Variants in HERC2 observed in about 807,000 individuals in gnomAD.
HERC2 encodes the protein HECT and RLD domain containing E3 ubiquitin protein ligase 2.
A neutral mutation model predicts 537.7 loss-of-function variants in HERC2; 102 were observed. That is an observed-to-expected ratio of 0.19 (90% CI 0.16 to 0.22). The LOEUF (loss-of-function observed/expected upper bound fraction) is 0.22. HERC2 is among the 10% of genes least tolerant of loss of function. The pLI, the probability that HERC2 is intolerant of heterozygous loss-of-function variation, is 1.00. For missense variants in HERC2, 4,236 were observed against 6,198.2 expected (o/e 0.68, Z 10.63); for synonymous variants, 2,224 against 2,466.2 (o/e 0.90, Z 2.91).
At chr15:28,253,639 T>C (rs1361097705) in intron 20 of HERC2, among the ~76,000 whole-genome samples, 1 of 152,216 alleles carries the variant, frequency 6.6e-6, no homozygotes, top group Non-Finnish European at 1.5e-5. Flanking sequence ...TTTCACTATC[T>C]TAATATGAAA....
intron 2 of HERC2, among the ~76,000 whole-genome samples, chr15:28,311,372 G>A (rs1484506773): frequency 6.6e-6 from 1 of 152,290 alleles, no homozygotes; most frequent in Non-Finnish European, 1.5e-5. Flanking sequence ...GCTGAGGTGG[G>A]AGGATCACCT....
chr15:28,149,606 C>T lies in HERC2; in HGVS notation c.10900+3071G>A, dbSNP rs530258030. Among the ~76,000 whole-genome samples the T allele has an allele frequency of 9.9e-5, 15 of 152,106 alleles. No individual in the cohort carries two copies. In the South Asian group the frequency reaches 2.7e-3, roughly 27 times the overall value. On this transcript the variant is annotated intron_variant, in intron 70 of 92. Transcript: ENST00000261609. Reference sequence around the variant, plus strand: ...CAAAAAAACACACGCGGCTCCTAACCGAGAACATCACCGAGAACGGCTGCA... The same window carrying T: ...CAAAAAAACACACGCGGCTCCTAACTGAGAACATCACCGAGAACGGCTGCA...
At chr15:28,190,715 A>C (rs1896778596) in intron 55 of HERC2, 2 of 531,900 alleles carry the variant, frequency 3.8e-6, no homozygotes, top group Non-Finnish European at 6.6e-6. Context: ...TGCTAGGAGC[A>C]GTTACCAAGT....
chr15:28,229,544 G>T lies in HERC2; in HGVS notation c.5036C>A (p.Ala1679Glu). 2 of 1,613,610 alleles carry T rather than the reference G, an allele frequency of 1.2e-6. No individual in the cohort carries two copies. The highest frequency in any genetic ancestry group is 1.7e-6 in the Non-Finnish European group (2 of 1,179,782). ...AGATGGAAGTAAGAAATTCTTGCTC[G>T]CCAGTTTTAAAATTGTATCTATCCC... is the stretch of plus-strand genomic sequence containing the variant. ...LEGIDTILKL[A>E]SKNFLLPSVQ... Residue 1679 changes from alanine (A) to glutamate (E), a missense_variant, in exon 33 of 93, where the codon GCG becomes GAG. Coordinates refer to ENST00000261609, the MANE Select transcript of HERC2 (RefSeq NM_004667.6).
chr15:28,213,909 G>C lies in HERC2; in HGVS notation c.6619C>G (p.Leu2207Val). 1 of 1,614,130 alleles carries C rather than the reference G, an allele frequency of 6.2e-7. No individual in the cohort carries two copies. Among genetic ancestry groups the C allele is most frequent in the Non-Finnish European group, 8.5e-7 (1 of 1,180,034 alleles). ...NPEVGGLMAV[L>V]AVIGGIDGRL... ...CCATCGATGCCTCCAATCACAGCCA[G>C]GACTGCCATGAGGCCCCCCACTTCA... is the stretch of plus-strand genomic sequence containing the variant. Residue 2207 changes from leucine (L) to valine (V), a missense_variant, in exon 42 of 93, where the codon CTG becomes GTG. Coordinates refer to ENST00000261609, the MANE Select transcript of HERC2 (RefSeq NM_004667.6).
In HERC2 at chr15:28,152,819, C is replaced by G; in HGVS notation, c.10758G>C (p.Met3586Ile). The G allele has an allele frequency of 6.4e-7, 1 of 1,561,964 alleles. No homozygotes were observed. The highest frequency in any genetic ancestry group is 8.7e-7 in the Non-Finnish European group (1 of 1,152,360). The change falls in exon 70 of 93, where the codon ATG becomes ATC. Residue 3586 changes from methionine to isoleucine, a missense_variant. This residue lies in a region of HERC2 where 356 missense variants were observed against 450.9 expected (regional missense o/e 0.79). Coordinates refer to ENST00000261609, the MANE Select transcript of HERC2 (RefSeq NM_004667.6). ...ACTCGGTGACACAGAGCTCCAACAG[C>G]ATATCTGCCACCTGGAGAGGAAGCA... ...MGTAYPQVAD[M>I]LLELCVTELE...
At chr15:28,309,960 G>A (rs112367079) in intron 2 of HERC2, among the ~76,000 whole-genome samples, 2,738 of 152,142 alleles carry the variant, frequency 0.018, 58 homozygotes, top group African/African-American at 0.063. Context: ...CAAAACATAC[G>A]ACTTTTGGTA....
At chr15:28,272,118 A>G in intron 9 of HERC2, 97 bp downstream of exon 9, 5 of 1,125,430 alleles carry the variant, frequency 4.4e-6, no homozygotes, top group Non-Finnish European at 6.3e-6. Context: ...CACACACGCC[A>G]GAGAAAAACA....
rs200754559 is a variant in HERC2, at chr15:28,270,747, C to A, written c.1205G>T (p.Arg402Leu). ...TAVVVMAHLD[R>L]LATPCMPPLC... ...CGGAGGCATACAGGGCGTAGCCAGA[C>A]GGTCTAAATGGGCCATGACAACAAC... is the stretch of plus-strand genomic sequence containing the variant. The change falls in exon 10 of 93, where the codon CGT (arginine) becomes CTT (leucine). Residue 402 changes from arginine to leucine, a missense_variant. Physicochemically the swap from Arg to Leu is moderately radical, Grantham distance 102. Coordinates refer to ENST00000261609, the MANE Select transcript of HERC2 (RefSeq NM_004667.6). 6.2e-7 allele frequency: 1 copy of A among 1,613,932 alleles called. No individual in the cohort carries two copies. The highest frequency in any genetic ancestry group is 1.1e-5 in the South Asian group (1 of 91,076).
chr15:28,320,578 T>C (rs1435208134), intron 2 of HERC2: 2 of 152,022 alleles, frequency 1.3e-5, no homozygotes, highest in African/African-American at 2.4e-5. Flanking sequence ...TCAAGGCACA[T>C]TACTTAATAC....
intron 9 of HERC2, 74 bp from the exon 10 acceptor site, chr15:28,270,942 C>T (rs1165174271): frequency 8.6e-6 from 11 of 1,285,184 alleles, no homozygotes; most frequent in Middle Eastern, 2.6e-4. Context: ...CCTTTACCCA[C>T]GCTTTATATT....
intron 23 of HERC2, among the ~76,000 whole-genome samples, chr15:28,240,253 C>T (rs1902944353): frequency 6.6e-6 from 1 of 152,076 alleles, no homozygotes. Flanking sequence ...CCCATCTCTA[C>T]TAAAAATACA....
At chr15:28,212,034 G>T (rs1899296769) in intron 43 of HERC2, among the ~76,000 whole-genome samples, 1 of 152,196 alleles carries the variant, frequency 6.6e-6, no homozygotes, top group Non-Finnish European at 1.5e-5. Context: ...TAGCCATCCT[G>T]AATGTCACAG....
In HERC2 at chr15:28,113,324, C is replaced by T; in HGVS notation, c.14020-41G>A. 1 of 1,590,344 alleles carries T rather than the reference C, an allele frequency of 6.3e-7. No individual in the cohort carries two copies. The highest frequency in any genetic ancestry group is 8.6e-7 in the Non-Finnish European group (1 of 1,159,276). ...TGTCAGGGCCGCGTGATGCTTCCCA[C>T]CCTGGCATTTCCGCAAGACTCCGTC... On this transcript the variant is annotated intron_variant, in intron 91 of 92. Coordinates refer to ENST00000261609, the MANE Select transcript of HERC2 (RefSeq NM_004667.6). The surrounding 1 kb of genome is among the most constrained non-coding windows in gnomAD (Gnocchi z 7.0).
At chr15:28,255,117 C>G (rs1437728191) in intron 19 of HERC2, among the ~76,000 whole-genome samples, 2 of 152,164 alleles carry the variant, frequency 1.3e-5, no homozygotes, top group African/African-American at 2.4e-5. Flanking sequence ...GGGGGGATCA[C>G]TGGAGCCCAG....
chr15:28,119,104 C>T (rs1313590097), intron 86 of HERC2, among the ~76,000 whole-genome samples: 1 of 151,598 alleles, frequency 6.6e-6, no homozygotes, highest in African/African-American at 2.4e-5. Context: ...CCTGTCACCA[C>T]TAAAAATACA....
At chr15:28,243,206 C>T (rs566292140) in intron 23 of HERC2, among the ~76,000 whole-genome samples, 3 of 152,154 alleles carry the variant, frequency 2.0e-5, no homozygotes, top group South Asian at 2.1e-4. Flanking sequence ...GGACAAAATG[C>T]CCATGGAAAA....
At chr15:28,261,919 A>G (rs548270930) in intron 15 of HERC2, among the ~76,000 whole-genome samples, 2 of 152,340 alleles carry the variant, frequency 1.3e-5, no homozygotes, top group East Asian at 3.9e-4. Flanking sequence ...CAAAGAATGT[A>G]TGTAGTACCA....
At chr15:28,171,823 C>T (rs930649181) in intron 65 of HERC2, among the ~76,000 whole-genome samples, 1 of 152,002 alleles carries the variant, frequency 6.6e-6, no homozygotes, top group African/African-American at 2.4e-5. Flanking sequence ...GCCTGTAATC[C>T]CAGCACTTTG....
Sources: gnomAD v4.1 joint callset for allele counts (sites outside exome capture counted in the v4.1 genomes callset) on GRCh38, gnomAD v4.1.1 for gene constraint, gnomAD v4.1.1 regional missense constraint, Gnocchi (gnomAD v3.1) non-coding constraint, MANE v1.5 for transcripts, NCBI Gene and HGNC (gene_info 2026-07-23, HGNC 2026-07-21) for gene names.